Variants in CNTN5 observed in about 807,000 individuals in gnomAD.
The protein encoded by CNTN5 is contactin 5, also known as contactin-5.
In CNTN5, 77 loss-of-function variants were observed where a neutral mutation model predicts 129.1. The observed-to-expected ratio is 0.60, with a 90% CI of 0.50 to 0.72. CNTN5 has a LOEUF of 0.72. Ranked by LOEUF, CNTN5 falls within the 30% of genes least tolerant of loss-of-function variation. CNTN5 has a pLI of 0.00. For missense variants in CNTN5, 1,478 were observed against 1,328.8 expected (o/e 1.11, Z -1.75); for synonymous variants, 509 against 465.6 (o/e 1.09, Z -1.20).
chr11:99,903,992 A>G (rs1412153548), intron 6 of CNTN5, among the ~76,000 whole-genome samples: 1 of 152,178 alleles, frequency 6.6e-6, no homozygotes, highest in Non-Finnish European at 1.5e-5. Context: ...AATGGCTGTT[A>G]TAAAAAAGGC....
At chr11:99,035,479 G>A (rs1393949629) in intron 1 of CNTN5, among the ~76,000 whole-genome samples, 1 of 151,668 alleles carries the variant, frequency 6.6e-6, no homozygotes, top group Non-Finnish European at 1.5e-5. Context: ...ATATATTTAG[G>A]ATGGTTAGCT....
intron 3 of CNTN5, among the ~76,000 whole-genome samples, chr11:99,819,310 C>CTGT (rs1565566863): frequency 1.3e-3 from 73 of 54,336 alleles, no homozygotes; most frequent in African/African-American, 5.0e-3. Flanking sequence ...CTTCCCTCCC[C>CTGT]TCTCCTCCCC....
At chr11:99,382,744 A>G (rs1940648595) in intron 2 of CNTN5, among the ~76,000 whole-genome samples, 1 of 145,858 alleles carries the variant, frequency 6.9e-6, no homozygotes, top group Admixed American at 6.9e-5. Flanking sequence ...TTATGGGAGG[A>G]GAGGTTCTTC....
chr11:99,103,466 C>T (rs1866838845), intron 1 of CNTN5, among the ~76,000 whole-genome samples: 1 of 152,058 alleles, frequency 6.6e-6, no homozygotes, highest in Admixed American at 6.6e-5. Context: ...TGTTTCTTTG[C>T]ATCATCATCT....
At chr11:100,292,060 T>C (rs1950994996) in intron 18 of CNTN5, among the ~76,000 whole-genome samples, 2 of 152,114 alleles carry the variant, frequency 1.3e-5, no homozygotes, top group South Asian at 4.1e-4. Context: ...AAATTTAATC[T>C]CACATCTAAT....
chr11:100,339,849 C>T (rs995984744), intron 21 of CNTN5, among the ~76,000 whole-genome samples: 1 of 152,076 alleles, frequency 6.6e-6, no homozygotes, highest in Non-Finnish European at 1.5e-5. Context: ...ACCATAAGCT[C>T]CTAACGAGGA....
chr11:99,778,853 CTA>C (rs1250494088), intron 3 of CNTN5, among the ~76,000 whole-genome samples: 2 of 151,072 alleles, frequency 1.3e-5, no homozygotes, highest in African/African-American at 4.8e-5. Context: ...CAATTTTTCT[CTA>C]TTTGTGTTAA....
intron 13 of CNTN5, among the ~76,000 whole-genome samples, chr11:100,142,514 G>A (rs146286456): frequency 5.3e-5 from 8 of 152,164 alleles, no homozygotes; most frequent in Middle Eastern, 3.4e-3. Context: ...AGAAAATTTC[G>A]CACTTGACTT....
At chr11:99,781,983 T>G (rs530322169) in intron 3 of CNTN5, among the ~76,000 whole-genome samples, 4 of 151,560 alleles carry the variant, frequency 2.6e-5, no homozygotes, top group South Asian at 2.1e-4. Flanking sequence ...CCAGGGCAAT[T>G]AGGCAGGAGA....
chr11:99,624,103 C>T (rs1268046592), intron 3 of CNTN5, among the ~76,000 whole-genome samples: 1 of 151,900 alleles, frequency 6.6e-6, no homozygotes, highest in East Asian at 1.9e-4. Context: ...CAGCATGTCT[C>T]CTCATAGGCT....
At chr11:100,083,757 G>T (rs1461913125) in intron 13 of CNTN5, among the ~76,000 whole-genome samples, 1 of 151,956 alleles carries the variant, frequency 6.6e-6, no homozygotes, top group African/African-American at 2.4e-5. Flanking sequence ...AAACACAGAA[G>T]ATCAGAAGAT....
intron 8 of CNTN5, among the ~76,000 whole-genome samples, chr11:99,989,173 G>A (rs1336256607): frequency 6.6e-6 from 1 of 151,934 alleles, no homozygotes; most frequent in Non-Finnish European, 1.5e-5. Context: ...CTCTGATTGG[G>A]GTGCAAGAGT....
chr11:100,328,554 GAGA>G (rs1565431546), intron 21 of CNTN5, among the ~76,000 whole-genome samples: 1 of 152,156 alleles, frequency 6.6e-6, no homozygotes, highest in East Asian at 1.9e-4. Flanking sequence ...TACATAGCCA[GAGA>G]AGAAGGAAGA....
chr11:99,095,428 A>C (rs1444033905), intron 1 of CNTN5, among the ~76,000 whole-genome samples: 3 of 151,950 alleles, frequency 2.0e-5, no homozygotes, highest in Non-Finnish European at 4.4e-5. Flanking sequence ...ATATAATGAG[A>C]GTACAAATCA....
At chr11:100,280,873 G>T (rs1385965293) in intron 18 of CNTN5, among the ~76,000 whole-genome samples, 1 of 151,918 alleles carries the variant, frequency 6.6e-6, no homozygotes, top group Admixed American at 6.6e-5. Flanking sequence ...TTACCACGAG[G>T]TTTGCAAATA....
intron 21 of CNTN5, among the ~76,000 whole-genome samples, chr11:100,317,102 G>A (rs765153073): frequency 3.1e-4 from 47 of 152,214 alleles, no homozygotes; most frequent in Non-Finnish European, 4.9e-4. Context: ...TGAAAGGACA[G>A]CAATTGTGTT....
chr11:99,328,889 GA>G (rs1330436386), intron 2 of CNTN5, among the ~76,000 whole-genome samples: 4 of 99,280 alleles, frequency 4.0e-5, no homozygotes, highest in Admixed American at 1.0e-4. Flanking sequence ...AAAAAAAAAA[GA>G]AAAAAAACAG....
At chr11:100,226,947 C>A (rs1949387427) in intron 16 of CNTN5, among the ~76,000 whole-genome samples, 1 of 151,988 alleles carries the variant, frequency 6.6e-6, no homozygotes, top group Non-Finnish European at 1.5e-5. Context: ...TGCCACAGGA[C>A]CAAAGTTGAG....
At chr11:99,142,940 G>C (rs747746057) in intron 1 of CNTN5, among the ~76,000 whole-genome samples, 2 of 152,108 alleles carry the variant, frequency 1.3e-5, no homozygotes, top group African/African-American at 2.4e-5. Flanking sequence ...ACTAGTCCTG[G>C]TGCTCAGCAG....
Sources: gnomAD v4.1 joint callset for allele counts (sites outside exome capture counted in the v4.1 genomes callset) on GRCh38, gnomAD v4.1.1 for gene constraint, MANE v1.5 for transcripts, NCBI Gene and HGNC (gene_info 2026-07-23, HGNC 2026-07-21) for gene names.